The following XNDC1N variants were observed in gnomAD, a reference collection of about 807,000 sequenced individuals.
The protein encoded by XNDC1N is XRCC1 N-terminal domain containing 1, N-terminal like, also known as protein XNDC1N.
At chr11:71,899,764 G>C in the XNDC1N span, among the ~76,000 whole-genome samples, 1 of 152,188 alleles carries the variant, frequency 6.6e-6, no homozygotes, top group African/African-American at 2.4e-5. Flanking sequence ...GGCCTCGTGG[G>C]AGGAGAAAGA....
the XNDC1N span, chr11:71,923,535 G>A: frequency 1.3e-5 from 8 of 593,276 alleles, no homozygotes; most frequent in Non-Finnish European, 2.4e-5. Flanking sequence ...GGAGTTACTT[G>A]CAGCAGTCAG....
chr11:71,873,476 C>T, the XNDC1N span, among the ~76,000 whole-genome samples: 1 of 152,080 alleles, frequency 6.6e-6, no homozygotes, highest in Non-Finnish European at 1.5e-5. Context: ...GGGAGCATGC[C>T]CTTTTCGATA....
the XNDC1N span, among the ~76,000 whole-genome samples, chr11:71,872,271 G>A: frequency 6.6e-6 from 1 of 152,172 alleles, no homozygotes. Context: ...AAAGCACCCA[G>A]TTAAGCCTCA....
the XNDC1N span, among the ~76,000 whole-genome samples, chr11:71,872,483 G>A: frequency 3.3e-5 from 5 of 152,022 alleles, no homozygotes; most frequent in Non-Finnish European, 7.4e-5. Flanking sequence ...TCACACTTTG[G>A]GAGGCCGAGG....
At chr11:71,915,687 C>T in the XNDC1N span, among the ~76,000 whole-genome samples, 1 of 123,226 alleles carries the variant, frequency 8.1e-6, no homozygotes, top group Middle Eastern at 3.5e-3. Flanking sequence ...GGAATAATGA[C>T]AGAAACTACA....
chr11:71,882,562 T>C, the XNDC1N span, among the ~76,000 whole-genome samples: 5 of 152,190 alleles, frequency 3.3e-5, no homozygotes, highest in African/African-American at 1.2e-4. Context: ...AATACATAAT[T>C]TTCTTAGGTA....
chr11:71,907,184 G>A, the XNDC1N span, among the ~76,000 whole-genome samples: 2 of 152,132 alleles, frequency 1.3e-5, no homozygotes, highest in East Asian at 3.9e-4. Context: ...ATATCACAGG[G>A]TGTATACCCC....
At chr11:71,899,197 C>T in the XNDC1N span, among the ~76,000 whole-genome samples, 25 of 152,290 alleles carry the variant, frequency 1.6e-4, no homozygotes, top group East Asian at 4.8e-3. Context: ...GCCTCCAGCC[C>T]TGCAGTGTGG....
At chr11:71,901,555 C>T in the XNDC1N span, among the ~76,000 whole-genome samples, 2 of 152,034 alleles carry the variant, frequency 1.3e-5, no homozygotes, top group Non-Finnish European at 2.9e-5. Context: ...GCTGAGATCA[C>T]TCCACTGCAC....
At chr11:71,885,481 A>G in the XNDC1N span, among the ~76,000 whole-genome samples, 1 of 152,120 alleles carries the variant, frequency 6.6e-6, no homozygotes, top group African/African-American at 2.4e-5. Flanking sequence ...GAGCAAAATC[A>G]CCGGGTGGAT....
chr11:71,920,948 G>C, the XNDC1N span, among the ~76,000 whole-genome samples: 5 of 152,106 alleles, frequency 3.3e-5, no homozygotes, highest in Admixed American at 6.6e-5. Flanking sequence ...CTGGGAGACA[G>C]AGTGAGACCC....
At chr11:71,918,997 TAGCAAGTTCTCTAC>T in the XNDC1N span, 5 of 701,892 alleles carry the variant, frequency 7.1e-6, no homozygotes, top group Admixed American at 1.0e-4. Context: ...TATCTGGGTT[TAGCAAGTTCTCTAC>T]AGGATACTTG....
chr11:71,865,682 T>C, the XNDC1N span: 194 of 249,424 alleles, frequency 7.8e-4, 1 homozygote, highest in African/African-American at 3.7e-3. Flanking sequence ...ATATTGGCCA[T>C]TTAATAAAGA....
chr11:71,887,398 C>G, the XNDC1N span, among the ~76,000 whole-genome samples: 4 of 152,116 alleles, frequency 2.6e-5, no homozygotes, highest in Non-Finnish European at 5.9e-5. Context: ...TTTGACAGAG[C>G]ACGGCTCTTT....
At chr11:71,910,750 G>A in the XNDC1N span, among the ~76,000 whole-genome samples, 1 of 152,202 alleles carries the variant, frequency 6.6e-6, no homozygotes, top group Non-Finnish European at 1.5e-5. Context: ...TGCCATCTAG[G>A]GGAGCCTAAG....
At chr11:71,912,449 G>A in the XNDC1N span, among the ~76,000 whole-genome samples, 7 of 152,112 alleles carry the variant, frequency 4.6e-5, no homozygotes, top group African/African-American at 7.2e-5. Flanking sequence ...ACCACAGTGC[G>A]GGTATACGTT....
the XNDC1N span, among the ~76,000 whole-genome samples, chr11:71,905,787 C>T: frequency 9.9e-5 from 15 of 152,104 alleles, no homozygotes; most frequent in African/African-American, 2.4e-4. Context: ...GATGTACACA[C>T]ATGGGGTACA....
chr11:71,880,841 C>A, the XNDC1N span, among the ~76,000 whole-genome samples: 5 of 152,050 alleles, frequency 3.3e-5, no homozygotes, highest in African/African-American at 1.2e-4. Flanking sequence ...TCCTAGTATT[C>A]ATTTCTAGTT....
the XNDC1N span, among the ~76,000 whole-genome samples, chr11:71,891,697 C>G: frequency 6.6e-6 from 1 of 151,978 alleles, no homozygotes; most frequent in African/African-American, 2.4e-5. Flanking sequence ...ATATCATCCT[C>G]TATTTTCCTG....
Sources: gnomAD v4.1 joint callset for allele counts (sites outside exome capture counted in the v4.1 genomes callset) on GRCh38, gnomAD v4.1.1 for gene constraint, MANE v1.5 for transcripts, NCBI Gene and HGNC (gene_info 2026-07-23, HGNC 2026-07-21) for gene names.